SLC16A9: variants seen among roughly 807,000 people sequenced by gnomAD.
SLC16A9 encodes the protein monocarboxylate transporter 9.
Under a neutral mutation model 44.3 loss-of-function variants are expected in SLC16A9, and 26 were observed. That is an observed-to-expected ratio of 0.59 (90% CI 0.43 to 0.81). The LOEUF is 0.81. SLC16A9 is among the 40% of genes least tolerant of loss of function. The pLI is 0.00. For synonymous variants in SLC16A9, 230 were observed against 225.1 expected, an observed-to-expected ratio of 1.02 and a Z score of -0.19; for missense variants, 559 against 595.8, an observed-to-expected ratio of 0.94 and a Z score of 0.64.
At chr10:59,667,205 T>C (rs1255098888) in intron 3 of SLC16A9, among the ~76,000 whole-genome samples, 5 of 152,190 alleles carry the variant, frequency 3.3e-5, no homozygotes, top group Non-Finnish European at 7.3e-5. Flanking sequence ...AATTAATCCT[T>C]AGGAAACTAT....
chr10:59,697,208 G>C (rs991738942), intron 1 of SLC16A9, among the ~76,000 whole-genome samples: 1 of 150,710 alleles, frequency 6.6e-6, no homozygotes, highest in Non-Finnish European at 1.5e-5. Flanking sequence ...CCCTCTGCCC[G>C]GCCACCACCC....
Position 59,708,901 on chromosome 10 carries a change from C to G in SLC16A9, c.-37+578G>C, listed in dbSNP as rs1382554197. On this transcript the variant is annotated intron_variant, in intron 1 of 5. Transcript: ENST00000395348. Reference sequence around the variant, plus strand: ...CGGTGGCGAAGGCTGGGCTCCCGCGCTCGCCCAGGGCTGCCGGGTGGTGCT... The same window carrying G: ...CGGTGGCGAAGGCTGGGCTCCCGCGGTCGCCCAGGGCTGCCGGGTGGTGCT... 4.6e-5 allele frequency: 7 copies of G among 152,612 alleles called. No homozygotes were observed. The East Asian group carries it at 1.3e-3, about 29-fold the overall frequency. The allele number at this position is 152,612 out of a possible 1,614,324, so 9.5% of individuals were successfully genotyped here.
At chr10:59,666,941 C>T (rs1429940021) in intron 3 of SLC16A9, among the ~76,000 whole-genome samples, 1 of 151,102 alleles carries the variant, frequency 6.6e-6, no homozygotes, top group African/African-American at 2.4e-5. Context: ...TGACAGCTTC[C>T]CAATTCATAA....
At chr10:59,706,511 A>G (rs1285420341) in intron 1 of SLC16A9, among the ~76,000 whole-genome samples, 1 of 152,202 alleles carries the variant, frequency 6.6e-6, no homozygotes, top group Admixed American at 6.5e-5. Context: ...TACCCAAAGG[A>G]AAGCATTATA....
At chr10:59,657,152 G>A (rs368813282) in intron 4 of SLC16A9, among the ~76,000 whole-genome samples, 3 of 152,114 alleles carry the variant, frequency 2.0e-5, no homozygotes, top group Non-Finnish European at 4.4e-5. Flanking sequence ...ATTTATGCAC[G>A]CTGAAATGTA....
At chr10:59,661,301 C>G (rs1291973190) in intron 4 of SLC16A9, among the ~76,000 whole-genome samples, 1 of 152,214 alleles carries the variant, frequency 6.6e-6, no homozygotes, top group East Asian at 1.9e-4. Flanking sequence ...GAAACTTCAG[C>G]AAAGTCTCAG....
Position 59,672,876 on chromosome 10 carries a change from T to C in SLC16A9, c.234A>G (p.Ala78=). 6.2e-7 allele frequency: 1 copy of C among 1,613,648 alleles called. No individual in the cohort carries two copies. Among genetic ancestry groups the C allele is most frequent in the Non-Finnish European group, 8.5e-7 (1 of 1,179,754 alleles). Residue 78 remains alanine, a synonymous_variant, in exon 3 of 6, where the codon GCA becomes GCG. Transcript: ENST00000395348. The part of the protein sequence containing the change: ...VCSLCVSSFG[A]RPVTIFSGFM... Reference sequence around the variant, plus strand: ...AGCCACTGAAGATTGTGACAGGTCTTGCTCCAAAAGATGAGACACAGAGAC... The same window carrying C: ...AGCCACTGAAGATTGTGACAGGTCTCGCTCCAAAAGATGAGACACAGAGAC...
intron 1 of SLC16A9, among the ~76,000 whole-genome samples, chr10:59,697,443 G>T (rs2132534739): frequency 6.6e-6 from 1 of 151,852 alleles, no homozygotes; most frequent in South Asian, 2.1e-4. Flanking sequence ...CCCCAACCCT[G>T]TGCTCTCTGA....
At chr10:59,680,793 C>T (rs1488920396) in intron 2 of SLC16A9, among the ~76,000 whole-genome samples, 2 of 151,840 alleles carry the variant, frequency 1.3e-5, no homozygotes, top group Non-Finnish European at 2.9e-5. Flanking sequence ...CCAGCCTGGG[C>T]CACATGGTGA....
chr10:59,678,540 C>CTTTTCTTTTTTTTTTTTTTT (rs1839910717), intron 2 of SLC16A9, among the ~76,000 whole-genome samples: 1 of 22,332 alleles, frequency 4.5e-5, no homozygotes, highest in African/African-American at 9.7e-5. Context: ...TTTTCTTTTT[C>CTTTTCTTTTTTTTTTTTTTT]TTTTTCTTTT....
At chr10:59,674,787 TC>T (rs2132458555) in intron 2 of SLC16A9, among the ~76,000 whole-genome samples, 1 of 152,304 alleles carries the variant, frequency 6.6e-6, no homozygotes, top group South Asian at 2.1e-4. Flanking sequence ...TCAAGTTTCA[TC>T]CTCAAAATAG....
chr10:59,656,991 A>G (rs1005800871), intron 4 of SLC16A9, among the ~76,000 whole-genome samples: 6 of 152,216 alleles, frequency 3.9e-5, no homozygotes, highest in Non-Finnish European at 5.9e-5. Context: ...ACTAGGGGTC[A>G]ATAACTTCCC....
intron 3 of SLC16A9, among the ~76,000 whole-genome samples, chr10:59,670,707 G>A (rs1413707250): frequency 6.6e-6 from 1 of 152,040 alleles, no homozygotes; most frequent in Non-Finnish European, 1.5e-5. Context: ...CATGATACAG[G>A]AATGAGATTT....
chr10:59,690,703 A>C (rs921170503), intron 1 of SLC16A9, among the ~76,000 whole-genome samples: 1 of 152,162 alleles, frequency 6.6e-6, no homozygotes, highest in Non-Finnish European at 1.5e-5. Flanking sequence ...TGTTTCAAGA[A>C]GTCTGTGTTT....
intron 3 of SLC16A9, among the ~76,000 whole-genome samples, chr10:59,671,663 G>A (rs1476877324): frequency 6.6e-6 from 1 of 152,142 alleles, no homozygotes; most frequent in Non-Finnish European, 1.5e-5. Flanking sequence ...ATCATAGTGA[G>A]GAAAACCAAG....
In SLC16A9 at chr10:59,686,847, A is replaced by G. The variant is rs184204666; in HGVS notation, c.-36-2520T>C. Among the ~76,000 whole-genome samples, 42 of 152,336 alleles carry G rather than the reference A, an allele frequency of 2.8e-4. No individual in the cohort carries two copies. The East Asian group carries it at 5.0e-3, about 18-fold the overall frequency. On this transcript the variant is annotated intron_variant, in intron 1 of 5. Coordinates refer to ENST00000395348, the MANE Select transcript of SLC16A9 (RefSeq NM_194298.3). The stretch of plus-strand genomic sequence containing the variant: ...CTCTGTTACACAATGAGATGAAAAC[A>G]TCTTAATTCAGGACATCCTCCACCT...
intron 3 of SLC16A9, among the ~76,000 whole-genome samples, chr10:59,670,871 A>G (rs184244255): frequency 1.3e-5 from 2 of 152,370 alleles, no homozygotes; most frequent in Admixed American, 1.3e-4. Context: ...CTGATGAAAT[A>G]AAACTGTGAA....
intron 1 of SLC16A9, among the ~76,000 whole-genome samples, chr10:59,704,723 C>T (rs934541681): frequency 6.6e-6 from 1 of 152,224 alleles, no homozygotes; most frequent in Non-Finnish European, 1.5e-5. Flanking sequence ...ATTTCAGCTT[C>T]TCTCTACTCC....
intron 4 of SLC16A9, among the ~76,000 whole-genome samples, chr10:59,662,855 T>C (rs1382183225): frequency 6.6e-6 from 1 of 151,916 alleles, no homozygotes; most frequent in Non-Finnish European, 1.5e-5. Flanking sequence ...ACTTCAATCA[T>C]TGTGGAAGAC....
Sources: allele counts gnomAD v4.1 joint callset (sites outside exome capture counted in the v4.1 genomes callset), GRCh38; gene constraint gnomAD v4.1.1; transcripts MANE v1.5; gene names NCBI Gene and HGNC (gene_info 2026-07-23, HGNC 2026-07-21).